Variants in RLF observed in about 807,000 individuals in gnomAD.
RLF encodes the protein zinc finger protein Rlf.
In RLF, 7 loss-of-function variants were observed where a neutral mutation model predicts 162.9. The ratio of observed to expected loss-of-function variants is 0.04; its 90% CI spans 0.02 to 0.08. RLF has a LOEUF of 0.08. RLF is among the 10% of genes least tolerant of loss of function. The pLI, the probability that RLF is intolerant of heterozygous loss-of-function variation, is 1.00. For missense variants in RLF, 1,664 were observed against 2,244.7 expected, an observed-to-expected ratio of 0.74 and a Z score of 5.23; for synonymous variants, 782 against 791.5, an observed-to-expected ratio of 0.99 and a Z score of 0.20.
chr1:40,203,967 C>T, intron 5 of RLF, among the ~76,000 whole-genome samples: 1 of 151,892 alleles, frequency 6.6e-6, no homozygotes. Flanking sequence ...ATTCACTTCC[C>T]TATTTAACTC....
chr1:40,169,630 A>T (rs1198746989), intron 1 of RLF, among the ~76,000 whole-genome samples: 4 of 151,100 alleles, frequency 2.6e-5, no homozygotes, highest in African/African-American at 9.7e-5. Context: ...CTCAAAAAAA[A>T]AAAAAAAAAA....
chr1:40,232,891 A>G (rs1413914237), intron 7 of RLF, among the ~76,000 whole-genome samples: 1 of 151,950 alleles, frequency 6.6e-6, no homozygotes, highest in Non-Finnish European at 1.5e-5. Context: ...GGCGGGGAGC[A>G]GTGGTAGATA....
At chr1:40,205,428 T>TA (rs527433607) in intron 5 of RLF, among the ~76,000 whole-genome samples, 1 of 152,032 alleles carries the variant, frequency 6.6e-6, no homozygotes, top group Admixed American at 6.6e-5. Flanking sequence ...TCTGGCTTTT[T>TA]AAGCATAATT....
chr1:40,164,327 C>G (rs769882659), intron 1 of RLF, among the ~76,000 whole-genome samples: 4 of 152,148 alleles, frequency 2.6e-5, no homozygotes, highest in Non-Finnish European at 5.9e-5. Flanking sequence ...AGAAATGGCT[C>G]TATCTTTGGG....
At chr1:40,165,230 C>T (rs1308718047) in intron 1 of RLF, among the ~76,000 whole-genome samples, 1 of 152,216 alleles carries the variant, frequency 6.6e-6, no homozygotes, top group African/African-American at 2.4e-5. Context: ...TCAGTCCCAT[C>T]ACCTGAATCC....
intron 6 of RLF, among the ~76,000 whole-genome samples, chr1:40,228,963 T>A (rs561265388): frequency 2.8e-4 from 42 of 151,990 alleles, no homozygotes; most frequent in African/African-American, 1.0e-3. Flanking sequence ...CCACCAAGAG[T>A]GGCTAAGCTT....
intron 1 of RLF, among the ~76,000 whole-genome samples, chr1:40,187,395 T>C (rs1477669505): frequency 6.6e-6 from 1 of 152,236 alleles, no homozygotes; most frequent in Non-Finnish European, 1.5e-5. Context: ...CTTTCTCTAC[T>C]AATTCAGCTG....
chr1:40,182,032 A>G (rs973112085), intron 1 of RLF, among the ~76,000 whole-genome samples: 1 of 152,212 alleles, frequency 6.6e-6, no homozygotes, highest in African/African-American at 2.4e-5. Context: ...AATTGTATCC[A>G]CACAAAGTTG....
chr1:40,230,251 G>C (rs2124558998), intron 6 of RLF, among the ~76,000 whole-genome samples: 1 of 152,212 alleles, frequency 6.6e-6, no homozygotes, highest in South Asian at 2.1e-4. Context: ...TGGATTTGTA[G>C]CCAACTTTCT....
At position 40,237,879 on chromosome 1, in the gene RLF, C is replaced by G; in HGVS notation, c.3177C>G (p.Thr1059=). The change falls in exon 8 of 8, where the codon ACC becomes ACG. Residue 1059 remains threonine (T), a synonymous_variant. Transcript: ENST00000372771. The surrounding 1 kb of genome is among the most constrained non-coding windows in gnomAD (Gnocchi z 4.4). ...CTAAAAGGCCCTGTACAGAGGATAC[C>G]ATGTTGGAACTTCTGTTACGCTTGA... ...CASKRPCTED[T]MLELLLRLKH... 6.2e-7 allele frequency: 1 copy of G among 1,614,080 alleles called. No individual in the cohort carries two copies. The highest frequency in any genetic ancestry group is 1.1e-5 in the South Asian group (1 of 91,070).
rs1570505407 is a variant in RLF at position 40,161,761 on chromosome 1, G to C, written c.237+125G>C. 6.6e-6 allele frequency: 9 copies of C among 1,357,090 alleles called. No homozygotes were observed. The highest frequency in any genetic ancestry group is 8.8e-6 in the Non-Finnish European group (9 of 1,018,134). The allele number at this position is 1,357,090 out of a possible 1,614,324, so 84.1% of individuals were successfully genotyped here. ...CACCTCCGTGACTCGCCGCGCCCCC[G>C]GGCCGGGAAGGCCCAGCTCGGAAGC... On this transcript the variant is annotated intron_variant, in intron 1 of 7. Transcript: ENST00000372771. This position sits in a 1 kb window ranked among gnomAD's most constrained non-coding sequence, Gnocchi z 4.4.
In RLF at chr1:40,187,032, TG is replaced by T. The variant is rs2124534096; in HGVS notation, c.238-2022del. Reference sequence around the variant, plus strand: ...GATTTTAATAAATTTCTTTGTTTTTTGTTTTTTGGTTTTTTTTTTTGAGACA... The same window carrying T: ...GATTTTAATAAATTTCTTTGTTTTTTTTTTTTGGTTTTTTTTTTTGAGACA... On this transcript the variant is annotated intron_variant, in intron 1 of 7. Transcript: ENST00000372771. 1.3e-5 allele frequency among the ~76,000 whole-genome samples: 2 copies of T among 152,068 alleles called. 1 individual carries two copies. The highest frequency in any genetic ancestry group is 4.1e-4 in the South Asian group (2 of 4,824).
chr1:40,222,068 A>G lies in RLF; in HGVS notation c.811-506A>G, dbSNP rs183695936. Among the ~76,000 whole-genome samples the G allele has an allele frequency of 3.0e-3, 457 of 152,256 alleles. 5 individuals are homozygous for G. The highest frequency in any genetic ancestry group is 0.01 in the African/African-American group (436 of 41,548). ...GATGGTCTGAAAAACTCATTAATAC[A>G]CTAGATATTTTCCTTCTATGAAAAA... On this transcript the variant is annotated intron_variant, in intron 5 of 7. Coordinates refer to ENST00000372771, the MANE Select transcript of RLF (RefSeq NM_012421.4).
At chr1:40,176,864 G>A (rs1323583411) in intron 1 of RLF, among the ~76,000 whole-genome samples, 1 of 151,934 alleles carries the variant, frequency 6.6e-6, no homozygotes, top group Non-Finnish European at 1.5e-5. Context: ...AATTTTGAGA[G>A]GTGTTGTGTT....
chr1:40,189,218 G>T lies in RLF; in HGVS notation c.392+9G>T. On this transcript the variant is annotated intron_variant, in intron 2 of 7. Coordinates refer to ENST00000372771, the MANE Select transcript of RLF (RefSeq NM_012421.4). ...CTTGGCAGATTAGTACTGTAAGTTT[G>T]AGAACTTAAATCACTCTTAAAATTG... 6.2e-7 allele frequency: 1 copy of T among 1,606,336 alleles called. No individual in the cohort carries two copies. Among genetic ancestry groups the T allele is most frequent in the South Asian group, 1.1e-5 (1 of 89,910 alleles).
At chr1:40,183,764 A>C (rs1056752812) in intron 1 of RLF, among the ~76,000 whole-genome samples, 1 of 152,182 alleles carries the variant, frequency 6.6e-6, no homozygotes. Context: ...AATTCCCAAA[A>C]GACAACTTGA....
At chr1:40,190,383 C>A (rs1259337008) in intron 2 of RLF, among the ~76,000 whole-genome samples, 4 of 152,084 alleles carry the variant, frequency 2.6e-5, no homozygotes, top group Non-Finnish European at 5.9e-5. Flanking sequence ...ATAACAGTTA[C>A]ATATATTTAT....
At chr1:40,182,768 GATAGATAGATAGATAGATAGATA>G (rs1642423021) in intron 1 of RLF, among the ~76,000 whole-genome samples, 1 of 151,886 alleles carries the variant, frequency 6.6e-6, no homozygotes, top group African/African-American at 2.4e-5. Context: ...TAGATAGATA[GATAGATAGATAGATAGATAGATA>G]GAGTAATAAG....
At chr1:40,174,714 A>G (rs1186245708) in intron 1 of RLF, among the ~76,000 whole-genome samples, 2 of 152,248 alleles carry the variant, frequency 1.3e-5, no homozygotes, top group Admixed American at 6.5e-5. Flanking sequence ...TCATTTGAAT[A>G]TAAGTATTAA....
Sources: allele counts gnomAD v4.1 joint callset (sites outside exome capture counted in the v4.1 genomes callset), GRCh38; gene constraint gnomAD v4.1.1; non-coding constraint Gnocchi (gnomAD v3.1); transcripts MANE v1.5; gene names NCBI Gene and HGNC (gene_info 2026-07-23, HGNC 2026-07-21).